The following CLIC1 variants were observed in gnomAD, a reference collection of about 807,000 sequenced individuals.
CLIC1 encodes chloride intracellular channel protein 1.
CLIC1 carries 16 observed loss-of-function variants against 26.4 expected under a neutral mutation model. The observed-to-expected ratio is 0.61, with a 90% CI of 0.41 to 0.92. CLIC1 has a LOEUF of 0.92. CLIC1 is among the 40% of genes least tolerant of loss of function. The pLI is 0.00. For missense variants in CLIC1, 225 were observed against 289.7 expected (o/e 0.78, Z 1.62); for synonymous variants, 98 against 120.8 (o/e 0.81, Z 1.24).
chr6:31,736,282 G>T lies in CLIC1; in HGVS notation c.19C>A (p.Gln7Lys). The change falls in exon 1 of 6, where the codon CAG becomes AAG. Residue 7 changes from glutamine to lysine, a missense_variant. Transcript: ENST00000375784. This position sits in a 1 kb window ranked among gnomAD's most constrained non-coding sequence, Gnocchi z 5.0. ...CTTACCTTCACGAACAATTCGACCT[G>T]CGGTTGTTCTTCAGCCATGGTTGCG... 6.2e-7 allele frequency: 1 copy of T among 1,612,580 alleles called. No homozygotes were observed. Among genetic ancestry groups the T allele is most frequent in the Non-Finnish European group, 8.5e-7 (1 of 1,179,806 alleles).
At chr6:31,736,918 G>GAGAAGAA (rs1321375740), upstream of CLIC1, 1 of 985,616 alleles carries the variant, frequency 1.0e-6, no homozygotes. The surrounding 1 kb of genome is among the most constrained non-coding windows in gnomAD (Gnocchi z 5.0). Flanking sequence ...TGTGGTCTGA[G>GAGAAGAA]AGAAGAACTC....
In CLIC1 at chr6:31,732,339, G is replaced by A. The variant is rs370998820; in HGVS notation, c.442C>T (p.Leu148Phe). 1.9e-6 allele frequency: 3 copies of A among 1,593,860 alleles called. No homozygotes were observed. The highest frequency in any genetic ancestry group is 1.7e-6 in the Non-Finnish European group (2 of 1,170,840). The change falls in exon 5 of 6, where the codon CTC becomes TTC. Residue 148 changes from leucine (L) to phenylalanine (F), a missense_variant. Coordinates refer to ENST00000375784, the Ensembl canonical transcript of CLIC1. The surrounding 1 kb of genome is among the most constrained non-coding windows in gnomAD (Gnocchi z 5.0). The stretch of plus-strand genomic sequence containing the variant: ...CTGGTTTCATCCACTTCTTCTGGGA[G>A]GGGGGATGTTAAGTAATTGTCTAAA...
At position 31,733,625 on chromosome 6, in the gene CLIC1, A is replaced by G; in HGVS notation, c.323T>C (p.Leu108Pro). The change falls in exon 4 of 6, where the codon CTG becomes CCG. Residue 108 changes from leucine (L) to proline (P), a missense_variant. Transcript: ENST00000375784. This position sits in a 1 kb window ranked among gnomAD's most constrained non-coding sequence, Gnocchi z 5.4. ...GGCAGAAAATTTGGCAAATATGTCC[A>G]GCCCAGCTGTGTTGGACTCAGGGTT... is the stretch of plus-strand genomic sequence containing the variant. 1.2e-6 allele frequency: 2 copies of G among 1,613,110 alleles called. No individual in the cohort carries two copies. The highest frequency in any genetic ancestry group is 1.3e-5 in the African/African-American group (1 of 75,050).
In CLIC1 at chr6:31,733,744, C is replaced by A; in HGVS notation, c.276-72G>T. Reference sequence around the variant, plus strand: ...ACCTCAGCTAGCTCTCCTGCCCCAGCCCCACCACCATCTCTGTTTTCCATT... The same window carrying A: ...ACCTCAGCTAGCTCTCCTGCCCCAGACCCACCACCATCTCTGTTTTCCATT... On this transcript the variant is annotated intron_variant, in intron 3 of 5. Transcript: ENST00000375784. This position sits in a 1 kb window ranked among gnomAD's most constrained non-coding sequence, Gnocchi z 5.4. The A allele has an allele frequency of 1.2e-6, 2 of 1,603,684 alleles. No homozygotes were observed. The highest frequency in any genetic ancestry group is 2.2e-5 in the East Asian group (1 of 44,668).
rs1808081758 is a variant in CLIC1, at chr6:31,733,024, A to T, written c.382+542T>A. Among the ~76,000 whole-genome samples, 1 of 151,754 alleles carries T rather than the reference A, an allele frequency of 6.6e-6. No individual in the cohort carries two copies. The highest frequency in any genetic ancestry group is 1.5e-5 in the Non-Finnish European group (1 of 67,942). ...GTAATCCCAGCTACTCAGGAGGCTG[A>T]GGCAGGAGAATTGCTTGAACCCGGC... is the stretch of plus-strand genomic sequence containing the variant. On this transcript the variant is annotated intron_variant, in intron 4 of 5. Coordinates refer to ENST00000375784, the Ensembl canonical transcript of CLIC1. The surrounding 1 kb of genome is among the most constrained non-coding windows in gnomAD (Gnocchi z 5.4).
Position 31,734,415 on chromosome 6 carries a change from G to A in CLIC1, c.40-152C>T, listed in dbSNP as rs1019465936. The A allele has an allele frequency of 1.4e-5, 9 of 656,058 alleles. No individual in the cohort carries two copies. In the Admixed American group the frequency reaches 2.1e-4, roughly 15 times the overall value. 40.6% of individuals were successfully genotyped at this position (656,058 alleles called of 1,614,324 possible). A position where few individuals can be genotyped will look rare whatever the true frequency, so the allele number is the denominator to read the frequency against. Reference sequence around the variant, plus strand: ...TATGGGCTCTTTGCCCTTGGGCCTGGGTCAAACCTAAGGCAGATCAATGGG... The same window carrying A: ...TATGGGCTCTTTGCCCTTGGGCCTGAGTCAAACCTAAGGCAGATCAATGGG... On this transcript the variant is annotated intron_variant, in intron 1 of 5. Coordinates refer to ENST00000375784, the Ensembl canonical transcript of CLIC1. This position sits in a 1 kb window ranked among gnomAD's most constrained non-coding sequence, Gnocchi z 5.3.
At position 31,732,279 on chromosome 6, in the gene CLIC1, A is replaced by G. The variant is rs2151315666; in HGVS notation, c.502T>C (p.Leu168=). Residue 168 remains leucine (L), a synonymous_variant, in exon 5 of 6, where the codon TTG becomes CTG. Coordinates refer to ENST00000375784, the Ensembl canonical transcript of CLIC1. This position sits in a 1 kb window ranked among gnomAD's most constrained non-coding sequence, Gnocchi z 5.0. ...GCCAGGGTGAGCTCGTTGCCATCCA[A>G]AAACTTCCTCTGAGAGACACCTTCA... 1 of 1,598,504 alleles carries G rather than the reference A, an allele frequency of 6.3e-7. No individual in the cohort carries two copies. The highest frequency in any genetic ancestry group is 8.5e-7 in the Non-Finnish European group (1 of 1,173,072).
Position 31,733,789 on chromosome 6 carries a change from C to G in CLIC1, c.275+47G>C, listed in dbSNP as rs1808146103. On this transcript the variant is annotated intron_variant, in intron 3 of 5. Transcript: ENST00000375784. The surrounding 1 kb of genome is among the most constrained non-coding windows in gnomAD (Gnocchi z 5.4). ...TCCATTTCTGCAAACTGTCTGTTTC[C>G]CAGAATCTCCCTGCTCCACCTCTCC... is the stretch of plus-strand genomic sequence containing the variant. The G allele has an allele frequency of 6.2e-7, 1 of 1,608,716 alleles. No homozygotes were observed. The highest frequency in any genetic ancestry group is 1.7e-5 in the Admixed American group (1 of 59,928).
At chr6:31,735,478 G>A (rs1808265321) in intron 1 of CLIC1, among the ~76,000 whole-genome samples, 2 of 150,568 alleles carry the variant, frequency 1.3e-5, no homozygotes, top group Admixed American at 6.7e-5. Flanking sequence ...ACCCACACCC[G>A]CAGAGAGAGG....
rs919893917 is a variant in CLIC1 at position 31,734,887 on chromosome 6, G to T, written c.40-624C>A. Among the ~76,000 whole-genome samples, 1 of 152,056 alleles carries T rather than the reference G, an allele frequency of 6.6e-6. No homozygotes were observed. Among genetic ancestry groups the T allele is most frequent in the South Asian group, 2.1e-4 (1 of 4,828 alleles). On this transcript the variant is annotated intron_variant, in intron 1 of 5. Coordinates refer to ENST00000375784, the Ensembl canonical transcript of CLIC1. The surrounding 1 kb of genome is among the most constrained non-coding windows in gnomAD (Gnocchi z 5.3). ...CTTCCTGTCAAGGATGTGGGGGAAGGGACAGTGAGGATGAGGCCTGGGCAG... is the reference window on the plus strand; with the variant it reads ...CTTCCTGTCAAGGATGTGGGGGAAGTGACAGTGAGGATGAGGCCTGGGCAG...
chr6:31,732,458 C>T lies in CLIC1; in HGVS notation c.383-60G>A. ...AAAAGATTGACATAGTCCGAAAAGG[C>T]CCGTTGGGGGTGGATACTAATGGTG... is the stretch of plus-strand genomic sequence containing the variant. On this transcript the variant is annotated intron_variant, in intron 4 of 5. Coordinates refer to ENST00000375784, the Ensembl canonical transcript of CLIC1. This position sits in a 1 kb window ranked among gnomAD's most constrained non-coding sequence, Gnocchi z 5.0. The T allele has an allele frequency of 7.7e-7, 1 of 1,306,290 alleles. No homozygotes were observed. Among genetic ancestry groups the T allele is most frequent in the Non-Finnish European group, 1.0e-6 (1 of 994,266 alleles). 80.9% of individuals were successfully genotyped at this position (1,306,290 alleles called of 1,614,324 possible). A position where few individuals can be genotyped will look rare whatever the true frequency, so the allele number is the denominator to read the frequency against.
Position 31,732,729 on chromosome 6 carries a change from A to C in CLIC1, c.383-331T>G, listed in dbSNP as rs989442051. ...ACTGGCTAATTTTTGTATTTTTTTC[A>C]GTAGAGACCAGTCATGTTGGCCAGG... On this transcript the variant is annotated intron_variant, in intron 4 of 5. Transcript: ENST00000375784. This position sits in a 1 kb window ranked among gnomAD's most constrained non-coding sequence, Gnocchi z 5.0. Among the ~76,000 whole-genome samples, 1 of 151,746 alleles carries C rather than the reference A, an allele frequency of 6.6e-6. No homozygotes were observed. The highest frequency in any genetic ancestry group is 6.6e-5 in the Admixed American group (1 of 15,238).
In CLIC1 at chr6:31,736,144, C is replaced by T. The variant is rs1562201785; in HGVS notation, c.39+118G>A. On this transcript the variant is annotated intron_variant, in intron 1 of 5. Coordinates refer to ENST00000375784, the Ensembl canonical transcript of CLIC1. The surrounding 1 kb of genome is among the most constrained non-coding windows in gnomAD (Gnocchi z 5.0). ...AACCACCCCTCAACCAAAGAGTGCA[C>T]GTGGGATTGGGGGTGGGAGTCAAGG... 3.0e-6 allele frequency: 3 copies of T among 1,013,174 alleles called. No homozygotes were observed. The highest frequency in any genetic ancestry group is 1.8e-5 in the Admixed American group (1 of 56,982). 62.8% of individuals were successfully genotyped at this position (1,013,174 alleles called of 1,614,324 possible). A position where few individuals can be genotyped will look rare whatever the true frequency, so the allele number is the denominator to read the frequency against.
In CLIC1 at chr6:31,730,902, G is replaced by T; in HGVS notation, c.666C>A (p.Thr222=). The change falls in exon 6 of 6, where the codon ACC becomes ACA. Residue 222 remains threonine (T), a synonymous_variant. Coordinates refer to ENST00000375784, the Ensembl canonical transcript of CLIC1. This position sits in a 1 kb window ranked among gnomAD's most constrained non-coding sequence, Gnocchi z 5.1. ...GCTCGATCTCCTCATCATCTGGACA[G>T]GTGGAAGCGAATTCTTCCCGGGCGT... 6.2e-7 allele frequency: 1 copy of T among 1,613,126 alleles called. No homozygotes were observed. The highest frequency in any genetic ancestry group is 8.5e-7 in the Non-Finnish European group (1 of 1,180,030).
Position 31,733,439 on chromosome 6 carries a change from G to T in CLIC1, c.382+127C>A. On this transcript the variant is annotated intron_variant, in intron 4 of 5. Transcript: ENST00000375784. This position sits in a 1 kb window ranked among gnomAD's most constrained non-coding sequence, Gnocchi z 5.4. ...AGAGGTAAAGCAAAAATGGGAAGCT[G>T]GGGGAAATTTACGAACATCTGCTTC... 1.5e-6 allele frequency: 1 copy of T among 679,516 alleles called. No individual in the cohort carries two copies. The highest frequency in any genetic ancestry group is 1.8e-5 in the South Asian group (1 of 56,470). 42.1% of individuals were successfully genotyped at this position (679,516 alleles called of 1,614,324 possible).
At chr6:31,731,809 A>G (rs1194411588) in intron 5 of CLIC1, among the ~76,000 whole-genome samples, 1 of 152,244 alleles carries the variant, frequency 6.6e-6, no homozygotes, top group Admixed American at 6.5e-5. Flanking sequence ...TATGACAAAA[A>G]CATGGGAACC....
At chr6:31,736,584 G>T (rs907542389), upstream of CLIC1, 4 of 1,324,372 alleles carry the variant, frequency 3.0e-6, no homozygotes, top group Non-Finnish European at 3.9e-6. This position sits in a 1 kb window ranked among gnomAD's most constrained non-coding sequence, Gnocchi z 5.0. Flanking sequence ...GGACTGGAGG[G>T]GGGCGGGACT....
intron 1 of CLIC1, among the ~76,000 whole-genome samples, chr6:31,735,522 C>A (rs1476755329): frequency 1.3e-5 from 2 of 151,830 alleles, no homozygotes; most frequent in African/African-American, 4.8e-5. Context: ...CTTCTCCAAC[C>A]CCCAAATCCC....
intron 1 of CLIC1, among the ~76,000 whole-genome samples, chr6:31,735,849 A>ACACACACACC (rs758789973): frequency 7.1e-6 from 1 of 141,702 alleles, no homozygotes; most frequent in Non-Finnish European, 1.5e-5. Flanking sequence ...ACACACACAC[A>ACACACACACC]CCTCTCCTAC....
Sources: allele counts gnomAD v4.1 joint callset (sites outside exome capture counted in the v4.1 genomes callset), GRCh38; gene constraint gnomAD v4.1.1; non-coding constraint Gnocchi (gnomAD v3.1); transcripts MANE v1.5; gene names NCBI Gene and HGNC (gene_info 2026-07-23, HGNC 2026-07-21).